The following DMD variants were observed in gnomAD, a reference collection of about 807,000 sequenced individuals.
DMD encodes dystrophin.
A neutral mutation model predicts 330.1 loss-of-function variants in DMD; 63 were observed. The ratio of observed to expected loss-of-function variants is 0.19; its 90% confidence interval spans 0.16 to 0.24. The LOEUF is 0.24. Ranked by LOEUF, DMD falls within the 10% of genes least tolerant of loss-of-function variation. The pLI, the probability that DMD is intolerant of heterozygous loss-of-function variation, is 1.00. For missense variants in DMD, 3,344 were observed against 2,684.1 expected (o/e 1.25, Z -5.43); for synonymous variants, 1,223 against 959.8 (o/e 1.27, Z -5.07).
intron 1 of DMD, among the ~76,000 whole-genome samples, chrX:33,041,941 A>G (rs59988444): frequency 0.066 from 7,308 of 110,524 alleles, 216 homozygotes; most frequent in African/African-American, 0.11. Flanking sequence ...AACTGCCTAT[A>G]TGATATATAT....
chrX:31,645,019 A>G (rs1290063041), intron 54 of DMD, among the ~76,000 whole-genome samples: 2 of 111,858 alleles, frequency 1.8e-5, no homozygotes, highest in Admixed American at 9.5e-5. Flanking sequence ...GTGTGGGAAA[A>G]AAATCCTCAA....
chrX:32,721,185 C>A (rs1283084880), intron 7 of DMD, among the ~76,000 whole-genome samples: 1 of 110,711 alleles, frequency 9.0e-6, no homozygotes, highest in Non-Finnish European at 1.9e-5. Flanking sequence ...GCTATCTCCA[C>A]AAGGTTCTGA....
At chrX:31,608,491 T>C (rs890896363) in intron 55 of DMD, among the ~76,000 whole-genome samples, 4 of 112,089 alleles carry the variant, frequency 3.6e-5, no homozygotes, top group Non-Finnish European at 5.6e-5. Flanking sequence ...GGCTTTATAT[T>C]TTTATCATAC....
At chrX:33,269,233 C>T (rs1480663325) in intron 1 of DMD, among the ~76,000 whole-genome samples, 4 of 111,325 alleles carry the variant, frequency 3.6e-5, no homozygotes, top group Non-Finnish European at 7.6e-5. Flanking sequence ...GTAGTACATA[C>T]ACACCACGGA....
At chrX:32,652,601 G>T (rs2060244929) in intron 9 of DMD, among the ~76,000 whole-genome samples, 1 of 110,684 alleles carries the variant, frequency 9.0e-6, no homozygotes, top group Non-Finnish European at 1.9e-5. Flanking sequence ...AAACATACGT[G>T]TGCATCTGTC....
intron 61 of DMD, among the ~76,000 whole-genome samples, chrX:31,333,792 G>T (rs913677741): frequency 4.6e-5 from 5 of 109,237 alleles, no homozygotes; most frequent in Admixed American, 9.8e-5. Flanking sequence ...ATTCTCTCTC[G>T]TCTGCCTATT....
intron 18 of DMD, among the ~76,000 whole-genome samples, chrX:32,512,600 T>C (rs922744360): frequency 8.0e-5 from 9 of 112,339 alleles, no homozygotes; most frequent in Admixed American, 1.9e-4. Flanking sequence ...GGAATTGAAA[T>C]GAAAATGGCT....
chrX:33,062,626 G>A (rs761945773), intron 1 of DMD, among the ~76,000 whole-genome samples: 11 of 111,648 alleles, frequency 9.9e-5, no homozygotes, highest in Non-Finnish European at 1.5e-4. Flanking sequence ...ACAGGCGTGC[G>A]CCACTACGCC....
At chrX:33,093,234 C>A (rs908185830) in intron 1 of DMD, among the ~76,000 whole-genome samples, 1 of 112,126 alleles carries the variant, frequency 8.9e-6, no homozygotes, top group Non-Finnish European at 1.9e-5. Flanking sequence ...ACAATAGGAG[C>A]TTTGCATAAG....
chrX:31,763,499 G>T (rs1396251612), intron 51 of DMD, among the ~76,000 whole-genome samples: 1 of 111,970 alleles, frequency 8.9e-6, no homozygotes, highest in African/African-American at 3.2e-5. Flanking sequence ...GGTGGCGGAG[G>T]TTGCAGTGAG....
At position 32,117,382 on chromosome X, in the gene DMD, G is replaced by T. The variant is rs1489462618; in HGVS notation, c.6438+99534C>A. ...TAGAAGTTCATTTGATACAAGCAAA[G>T]GTTATTGTTTATTCTACTAATACGG... is the stretch of plus-strand genomic sequence containing the variant. On this transcript the variant is annotated intron_variant, in intron 44 of 78. Coordinates refer to ENST00000357033, the MANE Select transcript of DMD (RefSeq NM_004006.3). Among the ~76,000 whole-genome samples the T allele has an allele frequency of 3.6e-5, 4 of 111,831 alleles. No homozygotes were observed. In the East Asian group the frequency reaches 8.5e-4, roughly 24 times the overall value.
chrX:31,483,185 T>C (rs1212987090), intron 57 of DMD, among the ~76,000 whole-genome samples: 1 of 107,685 alleles, frequency 9.3e-6, no homozygotes, highest in Non-Finnish European at 1.9e-5. Context: ...TAGCTGGGAC[T>C]ACAGGCGCCC....
intron 42 of DMD, among the ~76,000 whole-genome samples, chrX:32,290,450 TG>T (rs972852165): frequency 1.8e-5 from 2 of 112,570 alleles, no homozygotes; most frequent in Non-Finnish European, 3.8e-5. Context: ...AAAGCTTTTT[TG>T]TTGAATAAAT....
At chrX:31,460,075 C>T (rs762294879) in intron 59 of DMD, among the ~76,000 whole-genome samples, 15 of 111,968 alleles carry the variant, frequency 1.3e-4, no homozygotes, top group African/African-American at 4.9e-4. Flanking sequence ...CATCTGTTTC[C>T]ATTAGTTTAT....
intron 47 of DMD, among the ~76,000 whole-genome samples, chrX:31,905,607 A>T (rs1388876912): frequency 1.8e-5 from 2 of 109,418 alleles, no homozygotes; most frequent in Non-Finnish European, 3.8e-5. Context: ...AACAGAAATT[A>T]AAAAAAAAGG....
At chrX:32,933,473 A>C (rs1292772867) in intron 2 of DMD, among the ~76,000 whole-genome samples, 1 of 112,333 alleles carries the variant, frequency 8.9e-6, no homozygotes, top group Non-Finnish European at 1.9e-5. Context: ...CTAAGGAGCT[A>C]GAAGATCTTA....
intron 44 of DMD, among the ~76,000 whole-genome samples, chrX:32,173,066 G>GGTGTGTGTGTGTGTGT (rs3040089): frequency 6.5e-4 from 58 of 89,603 alleles, no homozygotes; most frequent in African/African-American, 2.2e-3. Context: ...ACCTGATTTT[G>GGTGTGTGTGTGTGTGT]GTGTGTGTGT....
At chrX:31,713,836 G>C (rs753270046) in intron 52 of DMD, among the ~76,000 whole-genome samples, 1 of 111,820 alleles carries the variant, frequency 8.9e-6, no homozygotes, top group African/African-American at 3.2e-5. Context: ...AACATTTGAT[G>C]AATGTGTGAA....
chrX:31,518,916 A>G (rs2072498436), intron 55 of DMD, among the ~76,000 whole-genome samples: 1 of 111,609 alleles, frequency 9.0e-6, no homozygotes, highest in African/African-American at 3.3e-5. Context: ...CCCATCCATT[A>G]AATACAAAGC....
Sources: allele counts gnomAD v4.1 joint callset (sites outside exome capture counted in the v4.1 genomes callset), GRCh38; gene constraint gnomAD v4.1.1; transcripts MANE v1.5; gene names NCBI Gene and HGNC (gene_info 2026-07-23, HGNC 2026-07-21).